Variants in TAFA4 observed in about 807,000 individuals in gnomAD.
The protein encoded by TAFA4 is chemokine-like protein TAFA-4.
In TAFA4, 20 loss-of-function variants were observed where a neutral mutation model predicts 21.1. The observed-to-expected ratio is 0.95, with a 90% CI of 0.67 to 1.38. The LOEUF (loss-of-function observed/expected upper bound fraction) is 1.38, where lower values mean the gene tolerates loss of function less well. Ranked by LOEUF, TAFA4 falls within the 40% of genes most tolerant of loss-of-function variation. The pLI, the probability that TAFA4 is intolerant of heterozygous loss-of-function variation, is 0.00. For synonymous variants in TAFA4, 71 were observed against 67.4 expected, an observed-to-expected ratio of 1.05 and a Z score of -0.26; for missense variants, 211 against 180.9, an observed-to-expected ratio of 1.17 and a Z score of -0.95.
intron 3 of TAFA4, among the ~76,000 whole-genome samples, chr3:68,819,400 A>C (rs2106859693): frequency 1.3e-5 from 2 of 151,656 alleles, no homozygotes; most frequent in East Asian, 3.9e-4. Flanking sequence ...TATTATGTTG[A>C]GTGAAAGCAG....
chr3:68,858,577 C>CGTGTGTGT (rs4065047), intron 3 of TAFA4, among the ~76,000 whole-genome samples: 3,084 of 146,124 alleles, frequency 0.021, 33 homozygotes, highest in African/African-American at 0.033. Flanking sequence ...TTCCAAGTGA[C>CGTGTGTGT]GTGTGTGTGT....
chr3:68,758,612 T>C (rs907517260), intron 3 of TAFA4, among the ~76,000 whole-genome samples: 2 of 152,230 alleles, frequency 1.3e-5, no homozygotes, highest in African/African-American at 2.4e-5. Context: ...GTTTCCTTCA[T>C]AAATTACCAT....
At chr3:68,880,666 T>C (rs2089605885) in intron 3 of TAFA4, 64 bp downstream of exon 3, 1 of 1,347,450 alleles carries the variant, frequency 7.4e-7, no homozygotes, top group Non-Finnish European at 1.1e-6. Flanking sequence ...GTCTAAAATG[T>C]GGACTCTGAC....
intron 3 of TAFA4, 107 bp downstream of exon 3, chr3:68,880,623 A>G: frequency 1.2e-6 from 1 of 857,746 alleles, no homozygotes; most frequent in Non-Finnish European, 1.9e-6. Flanking sequence ...CTAGTTATTT[A>G]CACACCATCA....
chr3:68,762,460 G>T (rs983386482), intron 3 of TAFA4, among the ~76,000 whole-genome samples: 1 of 152,152 alleles, frequency 6.6e-6, no homozygotes, highest in African/African-American at 2.4e-5. Context: ...TAGGTAGAAG[G>T]AAATGGGTAG....
intron 3 of TAFA4, among the ~76,000 whole-genome samples, chr3:68,764,474 T>A (rs913210529): frequency 6.6e-6 from 1 of 152,174 alleles, no homozygotes; most frequent in Non-Finnish European, 1.5e-5. Context: ...TAATTATAAC[T>A]TCATAGGCTG....
chr3:68,823,375 G>A (rs28475377), intron 3 of TAFA4, among the ~76,000 whole-genome samples: 45,615 of 152,022 alleles, frequency 0.3, 7,675 homozygotes, highest in Non-Finnish European at 0.39. Flanking sequence ...TTGCAGATAT[G>A]TTGAAGTGTC....
chr3:68,844,044 G>C (rs1360002726), intron 3 of TAFA4, among the ~76,000 whole-genome samples: 1 of 152,138 alleles, frequency 6.6e-6, no homozygotes, highest in Non-Finnish European at 1.5e-5. Flanking sequence ...AATGAGTTAG[G>C]GAGGAGTCCC....
intron 3 of TAFA4, among the ~76,000 whole-genome samples, chr3:68,788,617 ATTT>A (rs900733020): frequency 6.7e-5 from 10 of 148,342 alleles, no homozygotes; most frequent in Admixed American, 2.0e-4. Context: ...GTGTTTACAT[ATTT>A]TTTTTTTAAG....
At chr3:68,908,578 C>T (rs2089926382) in intron 1 of TAFA4, among the ~76,000 whole-genome samples, 1 of 151,402 alleles carries the variant, frequency 6.6e-6, no homozygotes. Flanking sequence ...AGATGGAATT[C>T]TCCAGAGGTA....
At chr3:68,871,578 A>T (rs1575651117) in intron 3 of TAFA4, among the ~76,000 whole-genome samples, 1 of 152,242 alleles carries the variant, frequency 6.6e-6, no homozygotes, top group African/African-American at 2.4e-5. Flanking sequence ...AATTTTCTGC[A>T]TTGCAAAGGA....
intron 3 of TAFA4, among the ~76,000 whole-genome samples, chr3:68,827,219 C>G (rs1704260222): frequency 6.6e-6 from 1 of 152,126 alleles, no homozygotes; most frequent in South Asian, 2.1e-4. Context: ...ATGAACTCAT[C>G]CTTTTTTATG....
chr3:68,824,283 C>A (rs1053130168), intron 3 of TAFA4, among the ~76,000 whole-genome samples: 2 of 152,192 alleles, frequency 1.3e-5, no homozygotes, highest in Non-Finnish European at 2.9e-5. Flanking sequence ...ATGGGTTTAA[C>A]TGGGCTAACC....
chr3:68,858,278 GTC>G (rs1195517637), intron 3 of TAFA4, among the ~76,000 whole-genome samples: 3 of 152,046 alleles, frequency 2.0e-5, no homozygotes, highest in Non-Finnish European at 4.4e-5. Context: ...ATCCCCTCAA[GTC>G]TCTCTGCTAT....
At chr3:68,740,950 A>G (rs1219432172) in intron 4 of TAFA4, among the ~76,000 whole-genome samples, 2 of 152,176 alleles carry the variant, frequency 1.3e-5, no homozygotes, top group African/African-American at 4.8e-5. Context: ...AGACTAGTCA[A>G]CTATAAATGA....
At chr3:68,883,337 T>C (rs1286927870) in intron 2 of TAFA4, among the ~76,000 whole-genome samples, 4 of 152,256 alleles carry the variant, frequency 2.6e-5, no homozygotes, top group Non-Finnish European at 4.4e-5. Flanking sequence ...TGCTCCTTCA[T>C]GGTTTGAATC....
At chr3:68,814,470 C>G in intron 3 of TAFA4, among the ~76,000 whole-genome samples, 1 of 152,132 alleles carries the variant, frequency 6.6e-6, no homozygotes. Context: ...TCAGCAAAGT[C>G]TCAGGATACA....
intron 3 of TAFA4, among the ~76,000 whole-genome samples, chr3:68,787,981 C>T (rs886999557): frequency 1.3e-5 from 2 of 152,158 alleles, no homozygotes; most frequent in African/African-American, 4.8e-5. Flanking sequence ...GTGTGTCCGG[C>T]AAAATTGGAA....
chr3:68,854,985 G>T (rs969690988), intron 3 of TAFA4, among the ~76,000 whole-genome samples: 1 of 152,082 alleles, frequency 6.6e-6, no homozygotes, highest in Admixed American at 6.6e-5. Context: ...AACACCCTTG[G>T]TTCCAAACCC....
Sources: gnomAD v4.1 joint callset for allele counts (sites outside exome capture counted in the v4.1 genomes callset) on GRCh38, gnomAD v4.1.1 for gene constraint, MANE v1.5 for transcripts, NCBI Gene and HGNC (gene_info 2026-07-23, HGNC 2026-07-21) for gene names.